The following CTNND2 variants were observed in gnomAD, a reference collection of about 807,000 sequenced individuals.
CTNND2 encodes catenin delta 2.
CTNND2 carries 22 observed loss-of-function variants against 144.4 expected under a neutral mutation model. The ratio of observed to expected loss-of-function variants is 0.15; its 90% CI spans 0.11 to 0.22. The LOEUF (loss-of-function observed/expected upper bound fraction) is 0.22, where lower values mean the gene tolerates loss of function less well. Ranked by LOEUF, CTNND2 falls within the 10% of genes least tolerant of loss-of-function variation. The probability of loss-of-function intolerance (pLI) is 1.00; values close to 1 mark genes in which losing one functional copy is unlikely to be tolerated. For missense variants in CTNND2, 1,353 were observed against 1,618.8 expected (o/e 0.84, Z 2.82); for synonymous variants, 751 against 695.6 (o/e 1.08, Z -1.25).
At chr5:11,811,501 G>C (rs1459314994) in intron 1 of CTNND2, among the ~76,000 whole-genome samples, 1 of 152,032 alleles carries the variant, frequency 6.6e-6, no homozygotes, top group African/African-American at 2.4e-5. Flanking sequence ...AAATTCTCTT[G>C]GATAAGGCAT....
At chr5:11,149,612 C>T (rs1489664820) in intron 12 of CTNND2, among the ~76,000 whole-genome samples, 3 of 152,012 alleles carry the variant, frequency 2.0e-5, no homozygotes, top group African/African-American at 4.8e-5. Flanking sequence ...TAATGGGGAG[C>T]GATGATGTAT....
intron 14 of CTNND2, among the ~76,000 whole-genome samples, chr5:11,102,754 C>A (rs534275218): frequency 6.6e-6 from 1 of 152,002 alleles, no homozygotes; most frequent in Admixed American, 6.6e-5. Context: ...TAAGGGACTG[C>A]TGAAATTTAG....
chr5:11,041,670 A>G (rs1328763029), intron 16 of CTNND2, among the ~76,000 whole-genome samples: 1 of 152,178 alleles, frequency 6.6e-6, no homozygotes, highest in African/African-American at 2.4e-5. Flanking sequence ...ATAGCTAACA[A>G]ACCTATGTCT....
At chr5:11,413,802 A>G (rs1228889350) in intron 3 of CTNND2, among the ~76,000 whole-genome samples, 1 of 152,128 alleles carries the variant, frequency 6.6e-6, no homozygotes, top group Non-Finnish European at 1.5e-5. Context: ...TCTATATTTT[A>G]AGGCTGGACA....
At chr5:11,095,482 A>G (rs1302336830) in intron 15 of CTNND2, among the ~76,000 whole-genome samples, 2 of 152,276 alleles carry the variant, frequency 1.3e-5, no homozygotes, top group African/African-American at 4.8e-5. Context: ...ATTAATAAAT[A>G]GAAAACACTG....
chr5:11,129,314 A>AAATATATCATATATAT (rs1453790936), intron 12 of CTNND2, among the ~76,000 whole-genome samples: 1 of 99,716 alleles, frequency 1.0e-5, no homozygotes, highest in African/African-American at 4.1e-5. Flanking sequence ...ATATATATAA[A>AAATATATCATATATAT]TATATATAAT....
chr5:11,261,033 G>C (rs112824722), intron 9 of CTNND2, among the ~76,000 whole-genome samples: 3 of 152,218 alleles, frequency 2.0e-5, no homozygotes, highest in Admixed American at 6.5e-5. Flanking sequence ...GGTGCATGCA[G>C]GTTGATCCCA....
Position 11,398,137 on chromosome 5 carries a change from T to G in CTNND2, c.440-934A>C, listed in dbSNP as rs187244131. ...AAACTTGGCAATACAAGTTTTCTCC[T>G]GCCTCTTTGTACCATAGTACAAAGT... On this transcript the variant is annotated intron_variant, in intron 5 of 21. Coordinates refer to ENST00000304623, the MANE Select transcript of CTNND2 (RefSeq NM_001332.4). Among the ~76,000 whole-genome samples the G allele has an allele frequency of 1.1e-4, 16 of 152,300 alleles. 1 individual carries two copies. The South Asian group carries it at 1.2e-3, about 12-fold the overall frequency.
At chr5:11,498,827 G>A (rs1476199551) in intron 3 of CTNND2, among the ~76,000 whole-genome samples, 2 of 152,106 alleles carry the variant, frequency 1.3e-5, no homozygotes, top group Non-Finnish European at 2.9e-5. Flanking sequence ...ACTCTGGGAC[G>A]ACAATGAAGG....
chr5:11,643,622 A>G (rs1027231206), intron 2 of CTNND2, among the ~76,000 whole-genome samples: 5 of 151,788 alleles, frequency 3.3e-5, no homozygotes, highest in Non-Finnish European at 7.4e-5. Flanking sequence ...ACATTTTCTT[A>G]ATCCAGTCTA....
chr5:11,313,799 G>A (rs1751228035), intron 9 of CTNND2, among the ~76,000 whole-genome samples: 1 of 152,180 alleles, frequency 6.6e-6, no homozygotes, highest in Admixed American at 6.5e-5. Flanking sequence ...TCCGCAGGCT[G>A]TACAGGAAGC....
intron 1 of CTNND2, among the ~76,000 whole-genome samples, chr5:11,802,065 G>C (rs536264902): frequency 2.0e-5 from 3 of 152,142 alleles, no homozygotes; most frequent in Non-Finnish European, 4.4e-5. Context: ...TTGAAGTCAG[G>C]AGTTTGAGAC....
chr5:11,205,288 C>A (rs1437571969), intron 10 of CTNND2, among the ~76,000 whole-genome samples: 1 of 152,014 alleles, frequency 6.6e-6, no homozygotes, highest in Admixed American at 6.6e-5. Flanking sequence ...TCTTCAGATA[C>A]TTATGAAAAC....
intron 3 of CTNND2, among the ~76,000 whole-genome samples, chr5:11,467,614 A>C (rs1256381692): frequency 6.6e-6 from 1 of 152,218 alleles, no homozygotes; most frequent in African/African-American, 2.4e-5. Flanking sequence ...AGACTTAACA[A>C]ATAAATATGC....
intron 2 of CTNND2, among the ~76,000 whole-genome samples, chr5:11,665,746 T>C (rs557481684): frequency 2.0e-5 from 3 of 152,296 alleles, no homozygotes; most frequent in South Asian, 4.1e-4. Flanking sequence ...CAGGGGCCAG[T>C]TGAATCACAG....
chr5:11,337,055 A>G (rs1481005026), intron 9 of CTNND2, among the ~76,000 whole-genome samples: 1 of 152,164 alleles, frequency 6.6e-6, no homozygotes, highest in Non-Finnish European at 1.5e-5. Context: ...CATGTTCACA[A>G]TCTTGTTCAA....
Position 11,087,301 on chromosome 5 carries a change from G to A in CTNND2, c.2638-4455C>T, listed in dbSNP as rs542930562. On this transcript the variant is annotated intron_variant, in intron 15 of 21. Transcript: ENST00000304623. ...TAGGAAACACCTCCTGCACTGAAAA[G>A]CTTATTTAGTTAGTCTTATTTTTAC... Among the ~76,000 whole-genome samples the A allele has an allele frequency of 7.2e-5, 11 of 152,262 alleles. No individual in the cohort carries two copies. The South Asian group carries it at 2.1e-3, about 29-fold the overall frequency.
At chr5:11,009,514 G>A (rs1258477529) in intron 18 of CTNND2, among the ~76,000 whole-genome samples, 2 of 152,198 alleles carry the variant, frequency 1.3e-5, no homozygotes, top group East Asian at 3.9e-4. Context: ...ACCAGAAAAC[G>A]AGGGAGTAAG....
intron 5 of CTNND2, among the ~76,000 whole-genome samples, chr5:11,406,009 C>T (rs1005575219): frequency 6.6e-6 from 1 of 152,070 alleles, no homozygotes; most frequent in Non-Finnish European, 1.5e-5. Flanking sequence ...ATTAGCCAGG[C>T]GTAGTGGGGC....
Sources: gnomAD v4.1 joint callset for allele counts (sites outside exome capture counted in the v4.1 genomes callset) on GRCh38, gnomAD v4.1.1 for gene constraint, MANE v1.5 for transcripts, NCBI Gene and HGNC (gene_info 2026-07-23, HGNC 2026-07-21) for gene names.